The following DNAH5 variants were observed in gnomAD, a reference collection of about 807,000 sequenced individuals.
The protein encoded by DNAH5 is dynein axonemal heavy chain 5, also known as axonemal beta dynein heavy chain 5.
A neutral mutation model predicts 518.2 loss-of-function variants in DNAH5; 372 were observed. That is an observed-to-expected ratio of 0.72 (90% CI 0.66 to 0.78). The LOEUF is 0.78. Ranked by LOEUF, DNAH5 falls within the 30% of genes least tolerant of loss-of-function variation. DNAH5 has a pLI of 0.00. For missense variants in DNAH5, 5,523 were observed against 5,687.0 expected, an observed-to-expected ratio of 0.97 and a Z score of 0.93; for synonymous variants, 2,039 against 2,025.9, an observed-to-expected ratio of 1.01 and a Z score of -0.17.
In DNAH5 at chr5:13,887,830, C is replaced by T. The variant is rs77463697; in HGVS notation, c.2578-1701G>A. Among the ~76,000 whole-genome samples the T allele has an allele frequency of 4.9e-3, 753 of 152,242 alleles. 16 individuals carry two copies. Among genetic ancestry groups the T allele is most frequent in the East Asian group, 0.034 (177 of 5,186 alleles). ...GAACCAGGTGACCTACCCTCTCCAC[C>T]GGCACACATAGGTCATGGTGAGGCA... On this transcript the variant is annotated intron_variant, in intron 17 of 78. Coordinates refer to ENST00000265104, the MANE Select transcript of DNAH5 (RefSeq NM_001369.3).
Position 13,888,911 on chromosome 5 carries a change from TAAG to T in DNAH5, c.2577+2062_2577+2064del, listed in dbSNP as rs560679182. ...TGGAAGCCATCTAAAGGTTCAGCAA[TAAG>T]AAACTGGTAAGTAAATTACAGTATA... On this transcript the variant is annotated intron_variant, in intron 17 of 78. Transcript: ENST00000265104. Among the ~76,000 whole-genome samples the T allele has an allele frequency of 3.7e-4, 57 of 152,306 alleles. 1 individual carries two copies. Among genetic ancestry groups the T allele is most frequent in the African/African-American group, 1.4e-3 (57 of 41,566 alleles).
At position 13,862,860 on chromosome 5, in the gene DNAH5, A is replaced by ATATATG. The variant is rs60470226; in HGVS notation, c.4597-114_4597-113insCATATA. On this transcript the variant is annotated intron_variant, in intron 28 of 78. Coordinates refer to ENST00000265104, the MANE Select transcript of DNAH5 (RefSeq NM_001369.3). ...TTGCTTCATATATATATAAATATAT[A>ATATATG]TATAAACTTTTATATTTCCAGACCT... 15,302 of 291,872 alleles carry ATATATG rather than the reference A, an allele frequency of 0.052. 427 individuals carry two copies. Among genetic ancestry groups the ATATATG allele is most frequent in the Non-Finnish European group, 0.067 (11,421 of 171,234 alleles). The allele number at this position is 291,872 out of a possible 1,614,324, so 18.1% of individuals were successfully genotyped here. A position where few individuals can be genotyped will look rare whatever the true frequency, so the allele number is the denominator to read the frequency against.
In DNAH5 at chr5:13,922,497, T is replaced by C. The variant is rs1777418110; in HGVS notation, c.439-169A>G. ...ATCCCAGCACTTTGGGAGGCTGAGG[T>C]GGGGGGATCACTTGAGGTCAGGTGT... On this transcript the variant is annotated intron_variant, in intron 4 of 78. Transcript: ENST00000265104. Among the ~76,000 whole-genome samples the C allele has an allele frequency of 3.9e-5, 6 of 151,938 alleles. No homozygotes were observed. The South Asian group carries it at 1.3e-3, about 32-fold the overall frequency.
chr5:13,692,236 A>G, intron 78 of DNAH5, 101 bp from the exon 79 acceptor site: 1 of 1,350,110 alleles, frequency 7.4e-7, no homozygotes, highest in East Asian at 2.4e-5. Context: ...CATTTCAAAA[A>G]CAGATGGGTT....
At chr5:13,853,054 G>C (rs535006683) in intron 30 of DNAH5, among the ~76,000 whole-genome samples, 1 of 152,344 alleles carries the variant, frequency 6.6e-6, no homozygotes, top group East Asian at 1.9e-4. Flanking sequence ...GTGGGTCCCT[G>C]ACCCCGTGCT....
At chr5:13,755,265 A>G (rs908450634) in intron 61 of DNAH5, among the ~76,000 whole-genome samples, 3 of 152,194 alleles carry the variant, frequency 2.0e-5, no homozygotes, top group Non-Finnish European at 2.9e-5. Flanking sequence ...GTGTTCAAAT[A>G]TATATACACA....
intron 55 of DNAH5, among the ~76,000 whole-genome samples, chr5:13,774,745 G>C (rs1377386178): frequency 1.3e-5 from 2 of 152,152 alleles, no homozygotes; most frequent in Non-Finnish European, 2.9e-5. Flanking sequence ...GTGTTGGTGT[G>C]ATAAGATTTA....
intron 70 of DNAH5, among the ~76,000 whole-genome samples, chr5:13,726,664 CTT>C (rs780697507): frequency 7.2e-5 from 11 of 152,162 alleles, no homozygotes; most frequent in Admixed American, 5.9e-4. Context: ...ACTCATTTTT[CTT>C]TTCTCAATAA....
intron 31 of DNAH5, among the ~76,000 whole-genome samples, chr5:13,847,313 A>T (rs201516828): frequency 2.0e-5 from 2 of 99,428 alleles, no homozygotes. Flanking sequence ...AAGCTCAGTT[A>T]AAAAAAAAAG....
chr5:13,919,338 G>C lies in DNAH5; in HGVS notation c.813C>G (p.Asn271Lys). The C allele has an allele frequency of 6.2e-7, 1 of 1,613,946 alleles. No homozygotes were observed. The highest frequency in any genetic ancestry group is 2.2e-5 in the East Asian group (1 of 44,880). ...CATCCGCTTCCTTCAGCAGCTGATT[G>C]TTTTCAGCAAGAACCTGCAAATGCG... ...IKQTEQVLAENNQLLKEADDV... is the reference protein window; with the variant it reads ...IKQTEQVLAEKNQLLKEADDV... Residue 271 changes from asparagine to lysine, a missense_variant, in exon 7 of 79, where the codon AAC becomes AAG. Physicochemically the swap from Asn to Lys is moderately conservative, Grantham distance 94. This residue lies in a region of DNAH5 where 5,121 missense variants were observed against 5,223.3 expected (regional missense o/e 0.98). Transcript: ENST00000265104.
chr5:13,932,529 T>C (rs1236399265), intron 1 of DNAH5: 1 of 152,112 alleles, frequency 6.6e-6, no homozygotes, highest in Non-Finnish European at 1.5e-5. Flanking sequence ...TAAAAAGGAC[T>C]AGGAAAACAT....
At chr5:13,955,211 A>ACT (rs1268859035) in intron 1 of DNAH5, among the ~76,000 whole-genome samples, 3 of 147,902 alleles carry the variant, frequency 2.0e-5, no homozygotes, top group Admixed American at 6.8e-5. Flanking sequence ...TTCCCCCCTC[A>ACT]CTCTCTCTCT....
At chr5:13,821,999 T>C (rs1206872000) in intron 40 of DNAH5, among the ~76,000 whole-genome samples, 1 of 152,084 alleles carries the variant, frequency 6.6e-6, no homozygotes, top group Non-Finnish European at 1.5e-5. Flanking sequence ...TCTCGCTATG[T>C]TGCTCAGGCT....
Position 13,859,484 on chromosome 5 carries a change from C to A in DNAH5, c.4918G>T (p.Val1640Leu), listed in dbSNP as rs1221417848. Residue 1640 changes from valine (V) to leucine (L), a missense_variant, in exon 30 of 79, where the codon GTG becomes TTG. Coordinates refer to ENST00000265104, the MANE Select transcript of DNAH5 (RefSeq NM_001369.3). The part of the protein sequence containing the change: ...NLWIYLEAVF[V>L]GGDIAKQLPK... ...AGCTGCTTGGCAATGTCTCCTCCCA[C>A]AAAGACAGCTTCTAAATAAATCCAC... 6.2e-7 allele frequency: 1 copy of A among 1,614,086 alleles called. No individual in the cohort carries two copies. The highest frequency in any genetic ancestry group is 8.5e-7 in the Non-Finnish European group (1 of 1,179,966).
chr5:13,798,054 G>A (rs531352425), intron 47 of DNAH5, among the ~76,000 whole-genome samples: 24 of 151,744 alleles, frequency 1.6e-4, no homozygotes, highest in Non-Finnish European at 2.9e-5. Flanking sequence ...GGGCCTGTCT[G>A]GGGGTGGGGG....
chr5:13,718,800 T>C (rs1365631561), intron 72 of DNAH5, 82 bp downstream of exon 72: 9 of 1,178,510 alleles, frequency 7.6e-6, no homozygotes, highest in African/African-American at 6.1e-5. Flanking sequence ...AACTGTATCC[T>C]AGCTAATCCT....
chr5:13,788,124 C>T (rs919719633), intron 51 of DNAH5, among the ~76,000 whole-genome samples: 1 of 152,126 alleles, frequency 6.6e-6, no homozygotes, highest in Non-Finnish European at 1.5e-5. Context: ...AAAGCTTGCC[C>T]CACATCAGCC....
chr5:13,714,416 C>A lies in DNAH5; in HGVS notation c.13114G>T (p.Val4372Phe). 6.2e-7 allele frequency: 1 copy of A among 1,614,176 alleles called. No individual in the cohort carries two copies. Among genetic ancestry groups the A allele is most frequent in the Non-Finnish European group, 8.5e-7 (1 of 1,180,000 alleles). The change falls in exon 75 of 79, where the codon GTC (valine) becomes TTC (phenylalanine). Residue 4372 changes from valine to phenylalanine, a missense_variant. Coordinates refer to ENST00000265104, the MANE Select transcript of DNAH5 (RefSeq NM_001369.3). ...TTTCATCAACTCACTTCAAAGGGGA[C>A]ATAGTCTGGGGGCAGCTTCTCCAGC... Reference protein sequence around the residue: ...DMLEKLPPDYVPFEVKERLQK... With the variant: ...DMLEKLPPDYFPFEVKERLQK...
In DNAH5 at chr5:13,750,387, C is replaced by T. The variant is rs576325349; in HGVS notation, c.11211+691G>A. ...CCTCACATACTCCCTAAAGAAAATG[C>T]TCACTCGAAAGAAGGAAGTTTACAA... On this transcript the variant is annotated intron_variant, in intron 65 of 78. Coordinates refer to ENST00000265104, the MANE Select transcript of DNAH5 (RefSeq NM_001369.3). 5.3e-5 allele frequency among the ~76,000 whole-genome samples: 8 copies of T among 152,294 alleles called. No homozygotes were observed. The East Asian group carries it at 1.2e-3, about 22-fold the overall frequency.
Sources: allele counts gnomAD v4.1 joint callset (sites outside exome capture counted in the v4.1 genomes callset), GRCh38; gene constraint gnomAD v4.1.1; regional missense constraint gnomAD v4.1.1; transcripts MANE v1.5; gene names NCBI Gene and HGNC (gene_info 2026-07-23, HGNC 2026-07-21).